COL4A2: variants seen among roughly 807,000 people sequenced by gnomAD.
COL4A2 encodes collagen type IV alpha 2 chain.
COL4A2 carries 99 observed loss-of-function variants against 200.2 expected under a neutral mutation model. That is an observed-to-expected ratio of 0.49 (90% CI 0.42 to 0.58). The LOEUF (loss-of-function observed/expected upper bound fraction) is 0.58. Ranked by LOEUF, COL4A2 falls within the 20% of genes least tolerant of loss-of-function variation. COL4A2 has a pLI of 0.00. For missense variants in COL4A2, 1,950 were observed against 2,314.1 expected, an observed-to-expected ratio of 0.84 and a Z score of 3.23; for synonymous variants, 897 against 900.6, an observed-to-expected ratio of 1.00 and a Z score of 0.07.
chr13:110,478,212 G>C, intron 30 of COL4A2, 48 bp downstream of exon 30: 2 of 1,460,672 alleles, frequency 1.4e-6, no homozygotes, highest in Non-Finnish European at 9.1e-7. Context: ...CACTGGTCCT[G>C]CCAAGAGAAT....
Position 110,495,347 on chromosome 13 carries a change from G to C in COL4A2, c.3640G>C (p.Asp1214His), listed in dbSNP as rs1883421825. 1 of 1,614,108 alleles carries C rather than the reference G, an allele frequency of 6.2e-7. No homozygotes were observed. Among genetic ancestry groups the C allele is most frequent in the Non-Finnish European group, 8.5e-7 (1 of 1,180,024 alleles). ...TKGFPGSPGSDIHGDPGFPGP... is the reference protein window; with the variant it reads ...TKGFPGSPGSHIHGDPGFPGP... Reference sequence around the variant, plus strand: ...CTGTTATAACTCTTCCACAGGTTCTGACATCCACGGAGACCCAGGCTTCCC... The same window carrying C: ...CTGTTATAACTCTTCCACAGGTTCTCACATCCACGGAGACCCAGGCTTCCC... Residue 1214 changes from aspartate (D) to histidine (H), a missense_variant, in exon 40 of 48, where the codon GAC (aspartate) becomes CAC (histidine). Asp to His is a moderately conservative substitution (Grantham distance 81, BLOSUM62 -1). This residue lies in a region of COL4A2 where 1,385 missense variants were observed against 1,720.5 expected (regional missense o/e 0.80). Coordinates refer to ENST00000360467, the MANE Select transcript of COL4A2 (RefSeq NM_001846.4).
chr13:110,386,281 T>C (rs1383591580), intron 4 of COL4A2, among the ~76,000 whole-genome samples: 1 of 150,354 alleles, frequency 6.7e-6, no homozygotes, highest in Non-Finnish European at 1.5e-5. Flanking sequence ...CGAGCAACCT[T>C]TGGTGTAAAA....
chr13:110,397,864 C>T (rs1321842853), intron 4 of COL4A2, among the ~76,000 whole-genome samples: 1 of 152,028 alleles, frequency 6.6e-6, no homozygotes, highest in Non-Finnish European at 1.5e-5. Flanking sequence ...ATTTTGAGTC[C>T]AACAGAAAGA....
chr13:110,502,052 C>T (rs765625580), intron 41 of COL4A2, among the ~76,000 whole-genome samples: 2 of 152,158 alleles, frequency 1.3e-5, no homozygotes, highest in African/African-American at 2.4e-5. Flanking sequence ...GCAGTATGAA[C>T]GGCTTTCTTC....
At chr13:110,312,855 A>T (rs1234613333) in intron 3 of COL4A2, among the ~76,000 whole-genome samples, 2 of 152,216 alleles carry the variant, frequency 1.3e-5, no homozygotes, top group Non-Finnish European at 2.9e-5. Context: ...AAGACACTTT[A>T]CGTGCTTTGG....
chr13:110,482,739 C>A (rs566496704), intron 32 of COL4A2, 80 bp downstream of exon 32: 3 of 1,468,590 alleles, frequency 2.0e-6, no homozygotes, highest in Non-Finnish European at 1.9e-6. Context: ...TAACATTGCC[C>A]AGAATGAATT....
At chr13:110,340,804 T>G (rs1876413758) in intron 3 of COL4A2, among the ~76,000 whole-genome samples, 1 of 152,172 alleles carries the variant, frequency 6.6e-6, no homozygotes, top group African/African-American at 2.4e-5. Context: ...TGCTTCAGGC[T>G]CTGCATGTGT....
intron 4 of COL4A2, among the ~76,000 whole-genome samples, chr13:110,385,847 ATAGGCCGTGGTTGCAGCGTG>A (rs1878705919): frequency 1.4e-5 from 2 of 140,336 alleles, no homozygotes; most frequent in Non-Finnish European, 1.6e-5. Context: ...CAGTGTGTGG[ATAGGCCGTGGTTGCAGCGTG>A]TGGATGGGCC....
intron 3 of COL4A2, among the ~76,000 whole-genome samples, chr13:110,348,834 C>T (rs1184209973): frequency 2.0e-5 from 3 of 152,168 alleles, no homozygotes; most frequent in Non-Finnish European, 4.4e-5. Flanking sequence ...TGTAAATTCC[C>T]TTCAGAGGAT....
chr13:110,504,032 G>T, intron 44 of COL4A2, 39 bp downstream of exon 44: 1 of 1,558,606 alleles, frequency 6.4e-7, no homozygotes, highest in South Asian at 1.2e-5. Flanking sequence ...CCTCGGGGCT[G>T]CCCGGGCAAG....
chr13:110,494,661 G>A (rs1237284180), intron 39 of COL4A2, among the ~76,000 whole-genome samples: 6 of 151,028 alleles, frequency 4.0e-5, no homozygotes, highest in South Asian at 2.1e-4. Flanking sequence ...CCGAGATCGC[G>A]CCACTGCACT....
At chr13:110,461,590 G>A (rs982372096) in intron 22 of COL4A2, among the ~76,000 whole-genome samples, 5 of 151,886 alleles carry the variant, frequency 3.3e-5, no homozygotes, top group East Asian at 1.9e-4. Context: ...GCAAGATCTC[G>A]GCTCACTGCA....
At chr13:110,320,389 T>A (rs1885246786) in intron 3 of COL4A2, among the ~76,000 whole-genome samples, 1 of 152,270 alleles carries the variant, frequency 6.6e-6, no homozygotes, top group Non-Finnish European at 1.5e-5. Flanking sequence ...TGATTTGTTA[T>A]CTGCTTCTCA....
At chr13:110,493,062 CGATGAGTGACACCCCCATGG>C in intron 38 of COL4A2, 129 bp from the exon 39 acceptor site, 2 of 865,984 alleles carry the variant, frequency 2.3e-6, no homozygotes, top group Non-Finnish European at 3.6e-6. Flanking sequence ...GGTGAAATAA[CGATGAGTGACACCCCCATGG>C]GTGAAATAAC....
At chr13:110,491,203 T>C (rs1243922591) in intron 36 of COL4A2, 30 bp from the exon 37 acceptor site, 6 of 1,521,908 alleles carry the variant, frequency 3.9e-6, no homozygotes, top group Non-Finnish European at 9.0e-7. Context: ...CGGTGTCTGT[T>C]TGTTCCAAGC....
chr13:110,452,682 C>T (rs7994089), intron 20 of COL4A2, among the ~76,000 whole-genome samples: 95,707 of 152,108 alleles, frequency 0.63, 30,128 homozygotes, highest in East Asian at 0.69. Flanking sequence ...TCACATTATT[C>T]TGAAAATTTT....
chr13:110,399,987 C>T (rs1879314979), intron 4 of COL4A2, among the ~76,000 whole-genome samples: 1 of 152,126 alleles, frequency 6.6e-6, no homozygotes, highest in South Asian at 2.1e-4. Flanking sequence ...TGAATTTGTT[C>T]CATATTCACG....
At chr13:110,451,947 C>G (rs1174630546) in intron 20 of COL4A2, among the ~76,000 whole-genome samples, 2 of 152,250 alleles carry the variant, frequency 1.3e-5, no homozygotes, top group Non-Finnish European at 2.9e-5. Context: ...GTCATAGTCT[C>G]TTTCTGTGTG....
intron 31 of COL4A2, among the ~76,000 whole-genome samples, chr13:110,482,257 C>G (rs1882960428): frequency 6.6e-6 from 1 of 152,214 alleles, no homozygotes; most frequent in Non-Finnish European, 1.5e-5. Context: ...TCCCTCCTAG[C>G]CTTCCTGCCT....
Sources: gnomAD v4.1 joint callset for allele counts (sites outside exome capture counted in the v4.1 genomes callset) on GRCh38, gnomAD v4.1.1 for gene constraint, gnomAD v4.1.1 regional missense constraint, MANE v1.5 for transcripts, NCBI Gene and HGNC (gene_info 2026-07-23, HGNC 2026-07-21) for gene names.